PKP4: variants seen among roughly 807,000 people sequenced by gnomAD.
The protein encoded by PKP4 is plakophilin-4.
A neutral mutation model predicts 145.1 loss-of-function variants in PKP4; 90 were observed. That is an observed-to-expected ratio of 0.62 (90% CI 0.52 to 0.74). The LOEUF is 0.74. Among genes scored for constraint, PKP4 ranks in the 30% least tolerant of loss-of-function variants. The pLI is 0.00. For missense variants in PKP4, 1,340 were observed against 1,482.7 expected (o/e 0.90, Z 1.58); for synonymous variants, 563 against 577.2 (o/e 0.98, Z 0.35).
intron 1 of PKP4, among the ~76,000 whole-genome samples, chr2:158,492,147 G>T (rs972765106): frequency 6.6e-6 from 1 of 151,234 alleles, no homozygotes; most frequent in Non-Finnish European, 1.5e-5. Context: ...ATACAATTTG[G>T]CTCTCTTGCA....
chr2:158,519,361 C>A (rs1265480476), intron 1 of PKP4, among the ~76,000 whole-genome samples: 3 of 152,096 alleles, frequency 2.0e-5, no homozygotes, highest in African/African-American at 7.2e-5. Context: ...ACTTTACTTT[C>A]TTCTGTTTGG....
chr2:158,673,814 CAT>C (rs2106015682), intron 18 of PKP4, 53 bp downstream of exon 18: 2 of 1,460,638 alleles, frequency 1.4e-6, no homozygotes, highest in East Asian at 4.5e-5. Context: ...AGCACACACT[CAT>C]AATCATTTAT....
At chr2:158,612,355 G>T (rs1367726311) in intron 4 of PKP4, among the ~76,000 whole-genome samples, 2 of 152,070 alleles carry the variant, frequency 1.3e-5, no homozygotes, top group Admixed American at 6.6e-5. Context: ...CTTTTTAATG[G>T]CTAAATAGTA....
At chr2:158,538,534 CTTTTTTTTTTT>C (rs11346852) in intron 2 of PKP4, among the ~76,000 whole-genome samples, 1 of 110,062 alleles carries the variant, frequency 9.1e-6, no homozygotes, top group Admixed American at 9.9e-5. Context: ...TCTCTAACCA[CTTTTTTTTTTT>C]TTTTTTTTTT....
chr2:158,645,197 G>A (rs550328782), intron 11 of PKP4, among the ~76,000 whole-genome samples: 32 of 152,212 alleles, frequency 2.1e-4, no homozygotes, highest in African/African-American at 7.0e-4. Flanking sequence ...TAATGCTTTA[G>A]CGCTTCTAAA....
At chr2:158,671,002 C>T (rs189703550) in intron 17 of PKP4, among the ~76,000 whole-genome samples, 2 of 152,152 alleles carry the variant, frequency 1.3e-5, no homozygotes, top group Admixed American at 6.5e-5. Context: ...GCCCTCTCCC[C>T]CAAACCCCCT....
At chr2:158,610,098 G>C (rs549279495) in intron 4 of PKP4, among the ~76,000 whole-genome samples, 25 of 152,184 alleles carry the variant, frequency 1.6e-4, no homozygotes, top group African/African-American at 6.0e-4. Flanking sequence ...TAGCTTACCA[G>C]TGTTACATAT....
intron 6 of PKP4, among the ~76,000 whole-genome samples, chr2:158,623,649 C>A: frequency 6.6e-6 from 1 of 152,310 alleles, no homozygotes; most frequent in South Asian, 2.1e-4. Context: ...AGTGTTTCAG[C>A]CAGCCCAGTT....
intron 2 of PKP4, among the ~76,000 whole-genome samples, chr2:158,564,510 G>A (rs2046815066): frequency 6.6e-6 from 1 of 152,176 alleles, no homozygotes; most frequent in Non-Finnish European, 1.5e-5. Context: ...AGATTTCCAA[G>A]TGGGGATGGC....
intron 1 of PKP4, among the ~76,000 whole-genome samples, chr2:158,515,415 G>A (rs955196178): frequency 2.6e-5 from 4 of 151,928 alleles, no homozygotes; most frequent in Admixed American, 2.6e-4. Context: ...GAGCCCAGGA[G>A]TTTGAGTCCA....
chr2:158,470,107 C>T (rs750061709), intron 1 of PKP4, among the ~76,000 whole-genome samples: 1 of 152,230 alleles, frequency 6.6e-6, no homozygotes, highest in Non-Finnish European at 1.5e-5. Context: ...TTTGAGCTCT[C>T]AGCAGGTTAG....
At chr2:158,470,163 C>T (rs1231713968) in intron 1 of PKP4, among the ~76,000 whole-genome samples, 3 of 152,148 alleles carry the variant, frequency 2.0e-5, no homozygotes, top group Non-Finnish European at 2.9e-5. Flanking sequence ...TAGCAGTATT[C>T]CTAACATATA....
chr2:158,533,933 G>A (rs2043809315), intron 2 of PKP4, among the ~76,000 whole-genome samples: 1 of 151,928 alleles, frequency 6.6e-6, no homozygotes, highest in South Asian at 2.1e-4. Flanking sequence ...AGAGAAATTG[G>A]AATTCTGCAA....
rs536843691 is a variant in PKP4 at position 158,484,706 on chromosome 2, A to G, written c.-6+27488A>G. 4.6e-5 allele frequency among the ~76,000 whole-genome samples: 7 copies of G among 152,330 alleles called. No homozygotes were observed. In the East Asian group the frequency reaches 1.4e-3, roughly 29 times the overall value. On this transcript the variant is annotated intron_variant, in intron 1 of 21. Coordinates refer to ENST00000389759, the MANE Select transcript of PKP4 (RefSeq NM_003628.6). The stretch of plus-strand genomic sequence containing the variant: ...ACCAAGTGGCATTTTATAGAGTTGC[A>G]GTAAGTGGATTATCTTCGCTTATAA...
intron 1 of PKP4, among the ~76,000 whole-genome samples, chr2:158,520,556 A>G (rs547258078): frequency 1.3e-5 from 2 of 152,312 alleles, no homozygotes; most frequent in African/African-American, 4.8e-5. Context: ...ATTCCGCTAT[A>G]TTATTCTTTT....
At chr2:158,569,232 G>A (rs757975723) in intron 2 of PKP4, among the ~76,000 whole-genome samples, 2 of 152,146 alleles carry the variant, frequency 1.3e-5, no homozygotes, top group Non-Finnish European at 2.9e-5. Context: ...TAAAACTGGA[G>A]GAAAGATGTC....
chr2:158,653,521 T>A (rs1367740134), intron 11 of PKP4, among the ~76,000 whole-genome samples: 2 of 152,234 alleles, frequency 1.3e-5, no homozygotes, highest in African/African-American at 4.8e-5. Context: ...CATAATTATA[T>A]GTACTTGTTC....
chr2:158,609,230 T>C (rs924519475), intron 4 of PKP4, among the ~76,000 whole-genome samples: 5 of 152,208 alleles, frequency 3.3e-5, no homozygotes, highest in African/African-American at 1.2e-4. Context: ...GACAATTGTT[T>C]TTTTTCTTTG....
At chr2:158,677,769 T>C (rs2058132821) in intron 20 of PKP4, among the ~76,000 whole-genome samples, 1 of 152,224 alleles carries the variant, frequency 6.6e-6, no homozygotes, top group Admixed American at 6.5e-5. Flanking sequence ...CACCAAGCTC[T>C]GGGCAAAAGG....
Sources: gnomAD v4.1 joint callset for allele counts (sites outside exome capture counted in the v4.1 genomes callset) on GRCh38, gnomAD v4.1.1 for gene constraint, MANE v1.5 for transcripts, NCBI Gene and HGNC (gene_info 2026-07-23, HGNC 2026-07-21) for gene names.